The following EXOC1L variants were observed in gnomAD, a reference collection of about 807,000 sequenced individuals.
EXOC1L encodes exocyst complex component 1-like.
Under a neutral mutation model 4.9 loss-of-function variants are expected in EXOC1L, and 10 were observed. The observed-to-expected ratio is 2.02, with a 90% confidence interval of 1.25 to 3.43. EXOC1L has a LOEUF of 3.43. EXOC1L is among the 30% of genes most tolerant of loss of function. The probability of loss-of-function intolerance (pLI) is 0.00; values close to 1 mark genes in which losing one functional copy is unlikely to be tolerated. For missense variants in EXOC1L, 114 were observed against 59.4 expected (o/e 1.92, Z -3.02); for synonymous variants, 41 against 20.8 (o/e 1.97, Z -2.63).
chr4:55,820,328 A>T (rs898387979), intron 1 of EXOC1L, among the ~76,000 whole-genome samples, 181 bp downstream of exon 1: 4 of 152,212 alleles, frequency 2.6e-5, no homozygotes, highest in Non-Finnish European at 4.4e-5. Flanking sequence ...AGAGTGTTAA[A>T]AATGAAAGAA....
chr4:55,831,681 C>T (rs1174105793), intron 2 of EXOC1L, among the ~76,000 whole-genome samples: 1 of 152,012 alleles, frequency 6.6e-6, no homozygotes, highest in Non-Finnish European at 1.5e-5. Context: ...TTTAAAAGCA[C>T]CTTTCCCAAG....
chr4:55,830,690 C>T (rs537197217), intron 1 of EXOC1L, among the ~76,000 whole-genome samples: 2 of 151,512 alleles, frequency 1.3e-5, no homozygotes, highest in East Asian at 3.9e-4. Context: ...AAGTATAGTA[C>T]TAAAAGCTTT....
Position 55,837,283 on chromosome 4 carries a change from G to C in EXOC1L, c.451G>C (p.Val151Leu), listed in dbSNP as rs1304623547. 1 of 693,814 alleles carries C rather than the reference G, an allele frequency of 1.4e-6. No homozygotes were observed. The highest frequency in any genetic ancestry group is 2.0e-5 in the Admixed American group (1 of 49,446). 43.0% of individuals were successfully genotyped at this position (693,814 alleles called of 1,614,324 possible). A position where few individuals can be genotyped will look rare whatever the true frequency, so the allele number is the denominator to read the frequency against. ...IWSSNNKDCLVLMRICFYAFN... is the reference protein window; with the variant it reads ...IWSSNNKDCLLLMRICFYAFN... ...GTCCTCCAACAATAAGGATTGTTTG[G>C]TCCTTATGAGAATATGCTTTTACGC... Residue 151 changes from valine to leucine, a missense_variant, in exon 3 of 3, where the codon GTC becomes CTC. Coordinates refer to ENST00000636125, the MANE Select transcript of EXOC1L (RefSeq NM_001351574.3).
chr4:55,831,518 T>C (rs1369390322), intron 2 of EXOC1L, 54 bp downstream of exon 2: 1 of 636,076 alleles, frequency 1.6e-6, no homozygotes, highest in Non-Finnish European at 2.8e-6. Flanking sequence ...GAGATCTTTA[T>C]GTTCAATATC....
intron 2 of EXOC1L, among the ~76,000 whole-genome samples, chr4:55,833,045 G>A (rs1032884066): frequency 6.6e-6 from 1 of 151,948 alleles, no homozygotes; most frequent in Admixed American, 6.6e-5. Flanking sequence ...TGGTGTGTTT[G>A]ACATGACTTC....
intron 1 of EXOC1L, among the ~76,000 whole-genome samples, chr4:55,829,620 G>A (rs573913901): frequency 2.0e-4 from 31 of 152,244 alleles, no homozygotes; most frequent in African/African-American, 7.2e-4. Flanking sequence ...CTGAACACCC[G>A]ACACAGTGCC....
intron 1 of EXOC1L, among the ~76,000 whole-genome samples, chr4:55,826,040 G>C (rs1368682094): frequency 6.8e-6 from 1 of 146,292 alleles, no homozygotes; most frequent in Non-Finnish European, 1.5e-5. Flanking sequence ...AGTCGAGATT[G>C]TGCTGTTGCA....
chr4:55,821,821 C>T (rs981889981), intron 1 of EXOC1L, among the ~76,000 whole-genome samples: 1 of 152,236 alleles, frequency 6.6e-6, no homozygotes, highest in Non-Finnish European at 1.5e-5. Flanking sequence ...CTTTTCACTA[C>T]TCTCTTCTAC....
chr4:55,829,886 C>A (rs1298582884), intron 1 of EXOC1L, among the ~76,000 whole-genome samples: 1 of 152,180 alleles, frequency 6.6e-6, no homozygotes, highest in East Asian at 1.9e-4. Flanking sequence ...TCTTTCAAAA[C>A]ATTTTCACAA....
chr4:55,831,531 G>T (rs1720032261), intron 2 of EXOC1L, 67 bp downstream of exon 2: 4 of 600,246 alleles, frequency 6.7e-6, no homozygotes, highest in African/African-American at 1.9e-5. Flanking sequence ...TCAATATCCT[G>T]CTTCATATAT....
At chr4:55,827,022 A>G (rs1560575631) in intron 1 of EXOC1L, among the ~76,000 whole-genome samples, 1 of 152,206 alleles carries the variant, frequency 6.6e-6, no homozygotes, top group Non-Finnish European at 1.5e-5. Flanking sequence ...AGATCACAAA[A>G]TAAGTTTCTG....
At chr4:55,825,919 T>C (rs992770053) in intron 1 of EXOC1L, among the ~76,000 whole-genome samples, 2 of 151,764 alleles carry the variant, frequency 1.3e-5, no homozygotes, top group Non-Finnish European at 2.9e-5. Flanking sequence ...ACTCTGTCTC[T>C]ACTAAAAATA....
intron 1 of EXOC1L, among the ~76,000 whole-genome samples, chr4:55,830,794 T>C (rs1720010251): frequency 6.6e-6 from 1 of 152,206 alleles, no homozygotes; most frequent in African/African-American, 2.4e-5. Context: ...ACAATAGCTG[T>C]GATGCAAGCA....
chr4:55,830,913 G>C (rs1048018997), intron 1 of EXOC1L, among the ~76,000 whole-genome samples: 1 of 152,158 alleles, frequency 6.6e-6, no homozygotes, highest in Non-Finnish European at 1.5e-5. Flanking sequence ...AAGCAGTACT[G>C]TTTACTTCCA....
chr4:55,833,926 A>T (rs770511644), intron 2 of EXOC1L, among the ~76,000 whole-genome samples: 15 of 151,940 alleles, frequency 9.9e-5, no homozygotes, highest in Non-Finnish European at 1.8e-4. Context: ...GCCAGAAGAA[A>T]AACCATAATA....
At chr4:55,830,121 T>G (rs951868285) in intron 1 of EXOC1L, among the ~76,000 whole-genome samples, 1 of 152,188 alleles carries the variant, frequency 6.6e-6, no homozygotes, top group African/African-American at 2.4e-5. Flanking sequence ...ACTACTCCGA[T>G]CCTTTCCCTT....
rs1720192652 is a variant in EXOC1L, at chr4:55,837,264, C to A, written c.432C>A (p.Ser144=). The A allele has an allele frequency of 1.4e-6, 1 of 700,506 alleles. No homozygotes were observed. Among genetic ancestry groups the A allele is most frequent in the Non-Finnish European group, 2.6e-6 (1 of 383,692 alleles). 43.4% of individuals were successfully genotyped at this position (700,506 alleles called of 1,614,324 possible). A position where few individuals can be genotyped will look rare whatever the true frequency, so the allele number is the denominator to read the frequency against. Residue 144 remains serine (S), a synonymous_variant, in exon 3 of 3, where the codon TCC becomes TCA. Transcript: ENST00000636125. ...TTAACGATGATTCCATTTGGTCCTC[C>A]AACAATAAGGATTGTTTGGTCCTTA... The part of the protein sequence containing the change: ...TYINDDSIWS[S]NNKDCLVLMR...
chr4:55,826,959 C>G (rs780676108), intron 1 of EXOC1L, among the ~76,000 whole-genome samples: 4 of 152,150 alleles, frequency 2.6e-5, no homozygotes, highest in African/African-American at 9.7e-5. Context: ...GTAGGACTCA[C>G]CTTCTTCATG....
chr4:55,829,654 C>T (rs1228382606), intron 1 of EXOC1L, among the ~76,000 whole-genome samples: 3 of 152,158 alleles, frequency 2.0e-5, no homozygotes, highest in Non-Finnish European at 4.4e-5. Flanking sequence ...TGTCAGACTG[C>T]TTCCACTCCC....
Sources: gnomAD v4.1 joint callset for allele counts (sites outside exome capture counted in the v4.1 genomes callset) on GRCh38, gnomAD v4.1.1 for gene constraint, MANE v1.5 for transcripts, NCBI Gene and HGNC (gene_info 2026-07-23, HGNC 2026-07-21) for gene names.